Variants in MYH11 observed in about 807,000 individuals in gnomAD.
MYH11 encodes myosin-11.
Under a neutral mutation model 246.6 loss-of-function variants are expected in MYH11, and 80 were observed. That is an observed-to-expected ratio of 0.32 (90% CI 0.27 to 0.39). The LOEUF (loss-of-function observed/expected upper bound fraction) is 0.39, where lower values mean the gene tolerates loss of function less well. Among genes scored for constraint, MYH11 ranks in the 10% least tolerant of loss-of-function variants. The pLI is 1.00. For missense variants in MYH11, 2,158 were observed against 2,546.8 expected, an observed-to-expected ratio of 0.85 and a Z score of 3.29; for synonymous variants, 1,071 against 1,015.5, an observed-to-expected ratio of 1.05 and a Z score of -1.04.
chr16:15,760,013 T>C (rs1020096518), intron 11 of MYH11, among the ~76,000 whole-genome samples: 1 of 151,984 alleles, frequency 6.6e-6, no homozygotes, highest in Non-Finnish European at 1.5e-5. Context: ...AGGAGAATCG[T>C]TTGAATCTGG....
Position 15,844,792 on chromosome 16 carries a change from G to A in MYH11, c.-17-6523C>T, listed in dbSNP as rs143500582. 8.0e-4 allele frequency among the ~76,000 whole-genome samples: 122 copies of A among 152,284 alleles called. 1 individual carries two copies. Among genetic ancestry groups the A allele is most frequent in the African/African-American group, 2.8e-3 (118 of 41,578 alleles). The stretch of plus-strand genomic sequence containing the variant: ...TTGAGCCCAGGAGTTTGAGGCTGCA[G>A]TGAGCTATGATTACATCACTGCACT... On this transcript the variant is annotated intron_variant, in intron 1 of 40. Transcript: ENST00000300036.
chr16:15,718,515 T>C, intron 36 of MYH11, 77 bp from the exon 37 acceptor site: 4 of 1,518,716 alleles, frequency 2.6e-6, no homozygotes, highest in Non-Finnish European at 1.8e-6. Flanking sequence ...GAGTCATGCC[T>C]CAGGGGTATT....
intron 7 of MYH11, among the ~76,000 whole-genome samples, chr16:15,776,841 G>A (rs1360293354): frequency 3.9e-5 from 6 of 152,176 alleles, no homozygotes; most frequent in African/African-American, 1.2e-4. Context: ...AGAGCAGAGG[G>A]GAGGGCAGGT....
At chr16:15,845,696 G>A (rs2044170421) in intron 1 of MYH11, among the ~76,000 whole-genome samples, 1 of 146,278 alleles carries the variant, frequency 6.8e-6, no homozygotes, top group South Asian at 2.3e-4. Context: ...AGCAGATCGT[G>A]TGTGTGTGTG....
intron 23 of MYH11, 138 bp downstream of exon 23, chr16:15,739,913 T>A: frequency 1.1e-6 from 1 of 916,122 alleles, no homozygotes; most frequent in Non-Finnish European, 1.7e-6. Context: ...GGCTAATCTT[T>A]GTATTTTTAG....
At chr16:15,818,255 C>T (rs1282614400) in intron 3 of MYH11, among the ~76,000 whole-genome samples, 5 of 151,482 alleles carry the variant, frequency 3.3e-5, no homozygotes, top group African/African-American at 1.2e-4. Flanking sequence ...GATCGCAGCC[C>T]AGTGACTTAA....
chr16:15,724,953 C>T lies in MYH11; in HGVS notation c.3898G>A (p.Glu1300Lys), dbSNP rs1339119390. The change falls in exon 29 of 41, where the codon GAG becomes AAG. Residue 1300 changes from glutamate to lysine, a missense_variant. By Grantham distance (56) the Glu-to-Lys change is moderately conservative. Coordinates refer to ENST00000300036, the MANE Select transcript of MYH11 (RefSeq NM_002474.3). ...ESVTGMLNEA[E>K]GKAIKLAKDV... Reference sequence around the variant, plus strand: ...TTGGCCAGCTTAATGGCCTTCCCCTCGGCCTCGTTAAGCATCCCTGTGACG... The same window carrying T: ...TTGGCCAGCTTAATGGCCTTCCCCTTGGCCTCGTTAAGCATCCCTGTGACG... 6.2e-7 allele frequency: 1 copy of T among 1,613,998 alleles called. No individual in the cohort carries two copies. The highest frequency in any genetic ancestry group is 8.5e-7 in the Non-Finnish European group (1 of 1,180,034).
rs2040484877 is a variant in MYH11, at chr16:15,721,542, CAGGGCCTTGGTTTCCTTCTCCCTG to C, written c.4434_4457del (p.Arg1479_Leu1486del). 1 of 1,614,100 alleles carries C rather than the reference CAGGGCCTTGGTTTCCTTCTCCCTG, an allele frequency of 6.2e-7. No homozygotes were observed. The highest frequency in any genetic ancestry group is 1.3e-5 in the African/African-American group (1 of 74,944). On this transcript the variant is annotated inframe_deletion, in exon 32 of 41. Transcript: ENST00000300036. ...CCTCTTCAAGGGCCCGAGCCAGGGA[CAGGGCCTTGGTTTCCTTCTCCCTG>C]GCTTCTGCCTCAGCTCTGTCCCTCT... is the stretch of plus-strand genomic sequence containing the variant.
At chr16:15,744,028 TG>T (rs1342721948) in intron 20 of MYH11, among the ~76,000 whole-genome samples, 7 of 151,974 alleles carry the variant, frequency 4.6e-5, no homozygotes, top group Admixed American at 3.3e-4. Context: ...CCCAGCACTT[TG>T]GGAGCCTGAA....
intron 4 of MYH11, among the ~76,000 whole-genome samples, 188 bp downstream of exon 4, chr16:15,798,472 A>G (rs2042796188): frequency 1.3e-5 from 2 of 152,300 alleles, no homozygotes; most frequent in South Asian, 4.1e-4. Flanking sequence ...CCTCCGCAGA[A>G]GACCATATAT....
intron 1 of MYH11, among the ~76,000 whole-genome samples, chr16:15,853,016 G>C (rs970159854): frequency 3.3e-5 from 5 of 152,160 alleles, no homozygotes; most frequent in African/African-American, 9.7e-5. Flanking sequence ...CTATTCATTA[G>C]CCTGTGGAAG....
chr16:15,721,987 A>G (rs1195535035), intron 31 of MYH11, among the ~76,000 whole-genome samples: 2 of 152,030 alleles, frequency 1.3e-5, no homozygotes, highest in Admixed American at 6.6e-5. Context: ...CCTCCAGAGT[A>G]GTTGGGATTA....
Position 15,753,645 on chromosome 16 carries a change from G to C in MYH11, c.1750-137C>G, listed in dbSNP as rs2041633924. ...AAATGACGTTTATGACCACCATGAT[G>C]GGACTCCACAAACACCAGTGAAGAG... On this transcript the variant is annotated intron_variant, in intron 14 of 40. Transcript: ENST00000300036. The C allele has an allele frequency of 6.8e-6, 5 of 736,980 alleles. No individual in the cohort carries two copies. The South Asian group carries it at 7.4e-5, about 11-fold the overall frequency. 45.7% of individuals were successfully genotyped at this position (736,980 alleles called of 1,614,324 possible).
intron 37 of MYH11, chr16:15,717,889 G>A (rs1596707550): frequency 3.6e-6 from 1 of 279,594 alleles, no homozygotes; most frequent in East Asian, 8.9e-5. Context: ...CCTGGAGAAT[G>A]ATGCCTGTTC....
Position 15,747,681 on chromosome 16 carries a change from T to C in MYH11, c.2300A>G (p.Lys767Arg). The change falls in exon 19 of 41, where the codon AAA becomes AGA. Residue 767 changes from lysine to arginine, a missense_variant. Physicochemically the swap from Lys to Arg is conservative, Grantham distance 26. Around this residue, in one of 11 missense-constraint regions of MYH11, gnomAD observed 56 missense variants for 47.2 expected, o/e 1.19. Coordinates refer to ENST00000300036, the MANE Select transcript of MYH11 (RefSeq NM_002474.3). Reference protein sequence around the residue: ...DPNLYRIGQSKIFFRTGVLAH... With the variant: ...DPNLYRIGQSRIFFRTGVLAH... ...CAGGACGCCAGTTCGGAAGAAGATT[T>C]TGCTCTGCCCTATCCTGTATAAGTT... 5.0e-6 allele frequency: 8 copies of C among 1,614,132 alleles called. No individual in the cohort carries two copies. The highest frequency in any genetic ancestry group is 6.8e-6 in the Non-Finnish European group (8 of 1,180,028).
intron 9 of MYH11, 108 bp downstream of exon 9, chr16:15,771,461 G>A (rs2042098948): frequency 9.3e-7 from 1 of 1,071,474 alleles, no homozygotes; most frequent in Non-Finnish European, 1.3e-6. Flanking sequence ...TTTAATGGAA[G>A]GTGGGGAATT....
At chr16:15,704,388 C>T (rs1157813166) in intron 40 of MYH11, among the ~76,000 whole-genome samples, 3 of 152,132 alleles carry the variant, frequency 2.0e-5, no homozygotes, top group South Asian at 2.1e-4. Flanking sequence ...CAAAGCAAGA[C>T]GATCTGCTTT....
In MYH11 at chr16:15,719,300, G is replaced by A. The variant is rs996178983; in HGVS notation, c.5091C>T (p.Ala1697=). The change falls in exon 36 of 41, where the codon GCC becomes GCT. Residue 1697 remains alanine (A), a synonymous_variant. Coordinates refer to ENST00000300036, the MANE Select transcript of MYH11 (RefSeq NM_002474.3). ...CTTGTTTGCGAGCCCTCTCAGCGGC[G>A]GCGAGGTCCTAGGTGGGAGGGAGGA... is the stretch of plus-strand genomic sequence containing the variant. The part of the protein sequence containing the change: ...ADLMQLQEDL[A]AAERARKQAD... The A allele has an allele frequency of 1.2e-5, 19 of 1,611,224 alleles. No individual in the cohort carries two copies. Among genetic ancestry groups the A allele is most frequent in the Admixed American group, 5.0e-5 (3 of 59,994 alleles).
At chr16:15,757,713 T>G in intron 13 of MYH11, 114 bp downstream of exon 13, 2 of 1,327,014 alleles carry the variant, frequency 1.5e-6, no homozygotes, top group Non-Finnish European at 2.1e-6. Context: ...GGGTGATGGA[T>G]TGGGTGGGGG....
Sources: gnomAD v4.1 joint callset for allele counts (sites outside exome capture counted in the v4.1 genomes callset) on GRCh38, gnomAD v4.1.1 for gene constraint, gnomAD v4.1.1 regional missense constraint, MANE v1.5 for transcripts, NCBI Gene and HGNC (gene_info 2026-07-23, HGNC 2026-07-21) for gene names.